UBAP1L: variants seen among roughly 807,000 people sequenced by gnomAD.
UBAP1L encodes ubiquitin associated protein 1 like.
In UBAP1L, 32 loss-of-function variants were observed where a neutral mutation model predicts 32.1. That is an observed-to-expected ratio of 1.00 (90% CI 0.75 to 1.34). The LOEUF (loss-of-function observed/expected upper bound fraction) is 1.34, where lower values mean the gene tolerates loss of function less well. UBAP1L is among the 40% of genes most tolerant of loss of function. The probability of loss-of-function intolerance (pLI) is 0.00; values close to 1 mark genes in which losing one functional copy is unlikely to be tolerated. For missense variants in UBAP1L, 516 were observed against 540.5 expected (o/e 0.95, Z 0.45); for synonymous variants, 243 against 250.2 (o/e 0.97, Z 0.27).
rs768368721 is a variant in UBAP1L, at chr15:65,099,703, CG to C, written c.710del (p.Pro237ArgfsTer32). ...CCCCAAGAGGTGGCAGACAGGTGTA[CG>C]GGCTGAGGGACTGAAATACAGACAG... is the stretch of plus-strand genomic sequence containing the variant. ...SHKPTVASLS[P>X]YTCLPPLGGA... is the part of the protein sequence containing the mutation. On this transcript the variant is annotated frameshift_variant, in exon 4 of 6. Transcript: ENST00000559089. LOFTEE classifies it high-confidence loss of function. The C allele has an allele frequency of 1.1e-5, 17 of 1,549,080 alleles. No homozygotes were observed. The highest frequency in any genetic ancestry group is 7.3e-5 in the East Asian group (3 of 40,896).
chr15:65,109,497 A>AAC (rs993684728), intron 1 of UBAP1L, among the ~76,000 whole-genome samples: 1 of 151,146 alleles, frequency 6.6e-6, no homozygotes, highest in African/African-American at 2.4e-5. Context: ...AAAAAAAAAA[A>AAC]AAAAAAAACT....
At chr15:65,109,515 A>G (rs1017416228) in intron 1 of UBAP1L, among the ~76,000 whole-genome samples, 4 of 150,260 alleles carry the variant, frequency 2.7e-5, no homozygotes, top group Non-Finnish European at 5.9e-5. Context: ...ACTTCCATTC[A>G]TCAGAATATA....
Position 65,109,288 on chromosome 15 carries a change from T to C in UBAP1L, c.-173-2900A>G, listed in dbSNP as rs535456453. ...CACAAGGTCAGGAGATCGAGACCAT[T>C]CTGGCTAACATGGTGAAACCCCGTC... is the stretch of plus-strand genomic sequence containing the variant. On this transcript the variant is annotated intron_variant, in intron 1 of 5. Coordinates refer to ENST00000559089, the MANE Select transcript of UBAP1L (RefSeq NM_001163692.2). 6.3e-4 allele frequency among the ~76,000 whole-genome samples: 95 copies of C among 151,382 alleles called. 2 individuals carry two copies. The East Asian group carries it at 0.011, about 18-fold the overall frequency.
intron 1 of UBAP1L, 132 bp from the exon 2 acceptor site, chr15:65,106,520 C>T (rs931257246): frequency 2.0e-5 from 5 of 244,606 alleles, no homozygotes; most frequent in Non-Finnish European, 3.9e-5. Context: ...TCATGCATTT[C>T]ATCAAAATAA....
chr15:65,109,571 G>C (rs1595923751), intron 1 of UBAP1L, among the ~76,000 whole-genome samples: 1 of 151,856 alleles, frequency 6.6e-6, no homozygotes, highest in Non-Finnish European at 1.5e-5. Context: ...CACAGAGTGG[G>C]AGAAGATATT....
In UBAP1L at chr15:65,106,242, C is replaced by T. The variant is rs2087310250; in HGVS notation, c.-27G>A. ...CTGTCAGGAGTGTGGAGATGGCTGG[C>T]AGGGCTGGGGCAGGCTGCTTGATGG... On this transcript the variant is annotated 5_prime_UTR_variant, in exon 2 of 6. Transcript: ENST00000559089. 2.0e-6 allele frequency: 3 copies of T among 1,522,576 alleles called. No homozygotes were observed. The highest frequency in any genetic ancestry group is 1.7e-4 in the Middle Eastern group (1 of 5,926). The allele number at this position is 1,522,576 out of a possible 1,614,324, so 94.3% of individuals were successfully genotyped here.
intron 4 of UBAP1L, chr15:65,096,918 G>T (rs919011491): frequency 2.6e-5 from 4 of 152,298 alleles, no homozygotes; most frequent in Middle Eastern, 3.2e-3. Flanking sequence ...GGCCAAAAAG[G>T]ATTTACTGCA....
rs1226191120 is a variant in UBAP1L at position 65,102,583 on chromosome 15, AG to A, written c.221del (p.Pro74LeufsTer7). On this transcript the variant is annotated frameshift_variant, in exon 3 of 6. Coordinates refer to ENST00000559089, the MANE Select transcript of UBAP1L (RefSeq NM_001163692.2). LOFTEE classifies it high-confidence loss of function. The surrounding 1 kb of genome is among the most constrained non-coding windows in gnomAD (Gnocchi z 5.0). ...QCGDPGTASAPPAWLLLVSPE... is the reference protein window; with the variant it reads ...QCGDPGTASAXPAWLLLVSPE... ...GGCTGACTAGCAAGAGCCAGGCTGG[AG>A]GGGCTGACGCTGTCCCCGGGTCACC... 1 of 1,545,946 alleles carries A rather than the reference AG, an allele frequency of 6.5e-7. No individual in the cohort carries two copies. Among genetic ancestry groups the A allele is most frequent in the Non-Finnish European group, 8.7e-7 (1 of 1,145,124 alleles).
At chr15:65,105,782 G>A in intron 2 of UBAP1L, 1 of 699,630 alleles carries the variant, frequency 1.4e-6, no homozygotes, top group Admixed American at 1.8e-5. Context: ...AAGGTCGGTG[G>A]CCCAAAAAGA....
In UBAP1L at chr15:65,102,307, C is replaced by A; in HGVS notation, c.498G>T (p.Lys166Asn). The change falls in exon 3 of 6, where the codon AAG (lysine) becomes AAT (asparagine). Residue 166 changes from lysine (K) to asparagine (N), a missense_variant. By Grantham distance (94) the Lys-to-Asn change is moderately conservative. Coordinates refer to ENST00000559089, the MANE Select transcript of UBAP1L (RefSeq NM_001163692.2). This position sits in a 1 kb window ranked among gnomAD's most constrained non-coding sequence, Gnocchi z 5.0. ...GGAGGGCGCGGGGCCGGGAGACCAGCTTCCCCTCGGAGAGCCGCCGCCGCG... is the reference window on the plus strand; with the variant it reads ...GGAGGGCGCGGGGCCGGGAGACCAGATTCCCCTCGGAGAGCCGCCGCCGCG... ...AGARRRLSEGKLVSRPRALLH... is the reference protein window; with the variant it reads ...AGARRRLSEGNLVSRPRALLH... 1 of 1,427,872 alleles carries A rather than the reference C, an allele frequency of 7.0e-7. No individual in the cohort carries two copies. The highest frequency in any genetic ancestry group is 1.4e-5 in the South Asian group (1 of 72,182). The allele number at this position is 1,427,872 out of a possible 1,614,324, so 88.5% of individuals were successfully genotyped here.
At chr15:65,112,129 G>C (rs1052514934) in intron 1 of UBAP1L, among the ~76,000 whole-genome samples, 4 of 152,206 alleles carry the variant, frequency 2.6e-5, no homozygotes, top group African/African-American at 9.7e-5. Context: ...CATTGGAGAA[G>C]CTTCAGGAAG....
chr15:65,104,222 C>CCAGCCTGGGCGA (rs2140565989), intron 2 of UBAP1L, among the ~76,000 whole-genome samples: 3 of 151,430 alleles, frequency 2.0e-5, no homozygotes, highest in East Asian at 3.9e-4. Flanking sequence ...ACTGCACACT[C>CCAGCCTGGGCGA]CAGCCTGGGC....
At chr15:65,100,757 C>T (rs908505193) in intron 3 of UBAP1L, 2 of 152,258 alleles carry the variant, frequency 1.3e-5, no homozygotes, top group African/African-American at 4.8e-5. Flanking sequence ...AGGGCTCTCC[C>T]TGCCACGACC....
At chr15:65,101,001 C>T (rs1171655577) in intron 3 of UBAP1L, 1 of 152,264 alleles carries the variant, frequency 6.6e-6, no homozygotes, top group Non-Finnish European at 1.5e-5. Flanking sequence ...TGGCACATCA[C>T]GCTTACAGAG....
intron 4 of UBAP1L, chr15:65,098,435 T>C (rs1275667479): frequency 6.6e-6 from 1 of 152,226 alleles, no homozygotes; most frequent in East Asian, 1.9e-4. Flanking sequence ...TGGAACCTTC[T>C]TGTGGTAGAC....
chr15:65,106,310 A>C lies in UBAP1L; in HGVS notation c.-95T>G, dbSNP rs1304287713. On this transcript the variant is annotated 5_prime_UTR_variant, in exon 2 of 6. Coordinates refer to ENST00000559089, the MANE Select transcript of UBAP1L (RefSeq NM_001163692.2). ...GTCCTGAGGACCAGGCTCAGGCCTC[A>C]AATGGCCTCACTGCTCTCCTGTGTG... is the stretch of plus-strand genomic sequence containing the variant. 2 of 1,330,582 alleles carry C rather than the reference A, an allele frequency of 1.5e-6. No homozygotes were observed. The highest frequency in any genetic ancestry group is 3.6e-5 in the African/African-American group (2 of 55,524). 82.4% of individuals were successfully genotyped at this position (1,330,582 alleles called of 1,614,324 possible). A position where few individuals can be genotyped will look rare whatever the true frequency, so the allele number is the denominator to read the frequency against.
At chr15:65,093,925 T>A (rs1275850966) in intron 5 of UBAP1L, among the ~76,000 whole-genome samples, 2 of 152,188 alleles carry the variant, frequency 1.3e-5, no homozygotes, top group Non-Finnish European at 2.9e-5. Flanking sequence ...CAGGCGCCTG[T>A]AATCCCAGCT....
intron 1 of UBAP1L, among the ~76,000 whole-genome samples, chr15:65,106,672 G>A (rs1002387942): frequency 7.6e-6 from 1 of 132,072 alleles, no homozygotes; most frequent in African/African-American, 2.9e-5. Context: ...ACGAAGTCTC[G>A]CTCTGTCACC....
chr15:65,094,941 CCT>C lies in UBAP1L; in HGVS notation c.910-367_910-366del, dbSNP rs770326749. 4.4e-4 allele frequency: 132 copies of C among 299,650 alleles called. No homozygotes were observed. Among genetic ancestry groups the C allele is most frequent in the African/African-American group, 1.2e-3 (55 of 46,174 alleles). 18.6% of individuals were successfully genotyped at this position (299,650 alleles called of 1,614,324 possible). Reference sequence around the variant, plus strand: ...ATTCAACATTCATGCACCACCCACCCCTGTCTGGGAGCACCCATTCGTGTGAA... The same window carrying C: ...ATTCAACATTCATGCACCACCCACCCGTCTGGGAGCACCCATTCGTGTGAA... On this transcript the variant is annotated intron_variant, in intron 4 of 5. Coordinates refer to ENST00000559089, the MANE Select transcript of UBAP1L (RefSeq NM_001163692.2). This position sits in a 1 kb window ranked among gnomAD's most constrained non-coding sequence, Gnocchi z 4.2.
Sources: gnomAD v4.1 joint callset for allele counts (sites outside exome capture counted in the v4.1 genomes callset) on GRCh38, gnomAD v4.1.1 for gene constraint, Gnocchi (gnomAD v3.1) non-coding constraint, MANE v1.5 for transcripts, NCBI Gene and HGNC (gene_info 2026-07-23, HGNC 2026-07-21) for gene names.